Variants in LRCH1 observed in about 807,000 individuals in gnomAD.
LRCH1 encodes leucine rich repeats and calponin homology domain containing 1, also known as leucine-rich repeat and calponin homology domain-containing protein 1.
Under a neutral mutation model 94.9 loss-of-function variants are expected in LRCH1, and 23 were observed. The observed-to-expected ratio is 0.24, with a 90% confidence interval of 0.17 to 0.34. The LOEUF is 0.34. LRCH1 is among the 10% of genes least tolerant of loss of function. LRCH1 has a pLI of 1.00. For missense variants in LRCH1, 790 were observed against 945.9 expected, an observed-to-expected ratio of 0.84 and a Z score of 2.16; for synonymous variants, 364 against 354.9, an observed-to-expected ratio of 1.03 and a Z score of -0.29.
intron 9 of LRCH1, among the ~76,000 whole-genome samples, chr13:46,698,953 C>T (rs1447809494): frequency 1.3e-5 from 2 of 152,244 alleles, no homozygotes. Flanking sequence ...TAACAACTCC[C>T]TCGTTCCTTC....
intron 3 of LRCH1, among the ~76,000 whole-genome samples, chr13:46,675,015 A>T (rs184061151): frequency 3.3e-5 from 5 of 152,334 alleles, no homozygotes; most frequent in African/African-American, 1.2e-4. Context: ...AAGGTTTGGT[A>T]CAAATGGTCA....
rs1251918186 is a variant in LRCH1, at chr13:46,740,514, G to A, written c.2086-1128G>A. Among the ~76,000 whole-genome samples the A allele has an allele frequency of 2.0e-5, 3 of 152,170 alleles. 1 individual carries two copies. Among genetic ancestry groups the A allele is most frequent in the Non-Finnish European group, 4.4e-5 (3 of 68,038 alleles). On this transcript the variant is annotated intron_variant, in intron 19 of 19. Coordinates refer to ENST00000389797, the MANE Select transcript of LRCH1 (RefSeq NM_001164211.2). ...ACATCTTTCAGTCACTCCATGATGTGCAGCTGCTTAGCAGTGAGGCCAAAA... is the reference window on the plus strand; with the variant it reads ...ACATCTTTCAGTCACTCCATGATGTACAGCTGCTTAGCAGTGAGGCCAAAA...
chr13:46,655,831 T>G (rs558608377), intron 2 of LRCH1, among the ~76,000 whole-genome samples: 1 of 152,342 alleles, frequency 6.6e-6, no homozygotes, highest in South Asian at 2.1e-4. Context: ...TGTATAGTAT[T>G]TGATCATATT....
rs946256502 is a variant in LRCH1, at chr13:46,619,064, T to C, written c.308-31137T>C. On this transcript the variant is annotated intron_variant, in intron 1 of 19. Coordinates refer to ENST00000389797, the MANE Select transcript of LRCH1 (RefSeq NM_001164211.2). ...AGTTCTCTTTTCTTTTCTTTTCTTT[T>C]TTCCTTCCTTCCTTCCTTCCTTCCT... is the stretch of plus-strand genomic sequence containing the variant. Among the ~76,000 whole-genome samples, 838 of 114,696 alleles carry C rather than the reference T, an allele frequency of 7.3e-3. 10 individuals carry two copies. Among genetic ancestry groups the C allele is most frequent in the East Asian group, 0.018 (58 of 3,182 alleles). 75.2% of individuals were successfully genotyped at this position (114,696 alleles called of 152,430 possible). A position where few individuals can be genotyped will look rare whatever the true frequency, so the allele number is the denominator to read the frequency against.
At chr13:46,740,386 T>G (rs555299840) in intron 19 of LRCH1, among the ~76,000 whole-genome samples, 1 of 152,370 alleles carries the variant, frequency 6.6e-6, no homozygotes, top group South Asian at 2.1e-4. Context: ...TTAGAATGTT[T>G]TTAATCTTAT....
chr13:46,743,297 A>G lies in LRCH1; in HGVS notation c.*1449A>G. On this transcript the variant is annotated 3_prime_UTR_variant, in exon 20 of 20. Coordinates refer to ENST00000389797, the MANE Select transcript of LRCH1 (RefSeq NM_001164211.2). ...CCCACATAGTTAGAAGAATATATTT[A>G]TAAAGATTCCTTGCTGCTAAGTCAG... The G allele has an allele frequency of 1.0e-6, 1 of 985,782 alleles. No homozygotes were observed. The highest frequency in any genetic ancestry group is 1.2e-6 in the Non-Finnish European group (1 of 829,832). 61.1% of individuals were successfully genotyped at this position (985,782 alleles called of 1,614,324 possible). A position where few individuals can be genotyped will look rare whatever the true frequency, so the allele number is the denominator to read the frequency against.
intron 4 of LRCH1, among the ~76,000 whole-genome samples, chr13:46,685,440 A>G (rs575376121): frequency 6.6e-6 from 1 of 152,248 alleles, no homozygotes; most frequent in Non-Finnish European, 1.5e-5. Context: ...TGAAAAACTC[A>G]TGAATATATT....
At chr13:46,598,016 C>T (rs888613183) in intron 1 of LRCH1, among the ~76,000 whole-genome samples, 3 of 152,104 alleles carry the variant, frequency 2.0e-5, no homozygotes, top group Non-Finnish European at 4.4e-5. Flanking sequence ...TGCGGTGGCT[C>T]ATGCCTGTAA....
intron 18 of LRCH1, among the ~76,000 whole-genome samples, chr13:46,729,761 A>G (rs1035898487): frequency 5.9e-5 from 9 of 152,210 alleles, no homozygotes; most frequent in Non-Finnish European, 8.8e-5. Flanking sequence ...TTTTAGGGAT[A>G]GCCCTGAAAA....
intron 1 of LRCH1, among the ~76,000 whole-genome samples, chr13:46,624,383 C>G (rs1367573916): frequency 6.6e-6 from 1 of 152,170 alleles, no homozygotes; most frequent in East Asian, 1.9e-4. Context: ...TTGGCCAGGG[C>G]CCACTTAACT....
downstream of LRCH1, among the ~76,000 whole-genome samples, chr13:46,746,356 G>A (rs1049674998): frequency 5.9e-5 from 9 of 152,152 alleles, no homozygotes; most frequent in African/African-American, 1.9e-4. Context: ...ATGGCTTGCC[G>A]TCTTTTCCAA....
chr13:46,701,368 A>G (rs781354852), intron 11 of LRCH1, among the ~76,000 whole-genome samples, 161 bp downstream of exon 11: 2 of 152,214 alleles, frequency 1.3e-5, no homozygotes, highest in African/African-American at 4.8e-5. Context: ...CCAAGATGCA[A>G]AAGTAAAAGA....
chr13:46,564,723 AT>A (rs1221210506), intron 1 of LRCH1, among the ~76,000 whole-genome samples: 1 of 152,198 alleles, frequency 6.6e-6, no homozygotes, highest in Non-Finnish European at 1.5e-5. Flanking sequence ...CAACTTACTA[AT>A]TTTGGAATTG....
At chr13:46,737,695 C>G (rs925895516) in intron 19 of LRCH1, among the ~76,000 whole-genome samples, 1 of 152,126 alleles carries the variant, frequency 6.6e-6, no homozygotes, top group African/African-American at 2.4e-5. Flanking sequence ...GGCCTTGACC[C>G]CATGAGGCTT....
At chr13:46,698,101 A>G (rs1871287135) in intron 9 of LRCH1, among the ~76,000 whole-genome samples, 1 of 152,342 alleles carries the variant, frequency 6.6e-6, no homozygotes, top group South Asian at 2.1e-4. Context: ...TGAAAAGTAT[A>G]ATCACTACAG....
intron 1 of LRCH1, among the ~76,000 whole-genome samples, chr13:46,608,558 A>G (rs2050712771): frequency 6.6e-6 from 1 of 152,224 alleles, no homozygotes; most frequent in Non-Finnish European, 1.5e-5. Flanking sequence ...GCAGGAAAAG[A>G]AGCCAAGTTA....
intron 1 of LRCH1, among the ~76,000 whole-genome samples, chr13:46,628,677 A>AC (rs1594298408): frequency 6.6e-6 from 1 of 151,624 alleles, no homozygotes; most frequent in African/African-American, 2.4e-5. Flanking sequence ...AAAAAAAAAA[A>AC]AACACAAGGC....
intron 3 of LRCH1, among the ~76,000 whole-genome samples, chr13:46,677,167 T>C (rs944684355): frequency 6.7e-6 from 1 of 148,612 alleles, no homozygotes; most frequent in Admixed American, 6.9e-5. Context: ...TCCAACACTT[T>C]GGGAGGCCAA....
intron 1 of LRCH1, among the ~76,000 whole-genome samples, chr13:46,554,976 C>T (rs1204039954): frequency 6.6e-6 from 1 of 152,170 alleles, no homozygotes; most frequent in Non-Finnish European, 1.5e-5. Flanking sequence ...GCTAGGTTTC[C>T]AGTGTCTTTT....
Sources: allele counts gnomAD v4.1 joint callset (sites outside exome capture counted in the v4.1 genomes callset), GRCh38; gene constraint gnomAD v4.1.1; transcripts MANE v1.5; gene names NCBI Gene and HGNC (gene_info 2026-07-23, HGNC 2026-07-21).